Variants in KLHL6 observed in about 807,000 individuals in gnomAD.
KLHL6 encodes kelch-like protein 6.
In KLHL6, 41 loss-of-function variants were observed where a neutral mutation model predicts 58.6. The ratio of observed to expected loss-of-function variants is 0.70; its 90% CI spans 0.55 to 0.91. KLHL6 has a LOEUF of 0.91. KLHL6 is among the 40% of genes least tolerant of loss of function. The pLI, the probability that KLHL6 is intolerant of heterozygous loss-of-function variation, is 0.00. For missense variants in KLHL6, 714 were observed against 805.6 expected (o/e 0.89, Z 1.38); for synonymous variants, 338 against 322.7 (o/e 1.05, Z -0.51).
At chr3:183,495,256 G>T (rs1418136463) in intron 4 of KLHL6, among the ~76,000 whole-genome samples, 1 of 152,106 alleles carries the variant, frequency 6.6e-6, no homozygotes, top group Non-Finnish European at 1.5e-5. Flanking sequence ...CAGCTGTGGT[G>T]GTTGACTTTT....
rs925647462 is a variant in KLHL6, at chr3:183,488,390, T to C, written c.*3537A>G. ...TTAGTTCCTTGCCTAGAATACTCCC[T>C]TACCCTTATTCTCCCTCACCCTTCT... On this transcript the variant is annotated 3_prime_UTR_variant, in exon 7 of 7. Transcript: ENST00000341319. 5.9e-5 allele frequency: 9 copies of C among 152,322 alleles called. No individual in the cohort carries two copies. Among genetic ancestry groups the C allele is most frequent in the Admixed American group, 2.0e-4 (3 of 15,280 alleles). The allele number at this position is 152,322 out of a possible 1,614,324, so 9.4% of individuals were successfully genotyped here.
rs181590222 is a variant in KLHL6, at chr3:183,497,687, T to G, written c.1147+1903A>C. 9.2e-5 allele frequency among the ~76,000 whole-genome samples: 14 copies of G among 152,278 alleles called. No homozygotes were observed. The East Asian group carries it at 2.7e-3, about 29-fold the overall frequency. The stretch of plus-strand genomic sequence containing the variant: ...TTCTTGTCCCTAAATCAAGGCCATG[T>G]GTAGGAAGAGGCAGTGTCAGAAGAT... On this transcript the variant is annotated intron_variant, in intron 4 of 6. Transcript: ENST00000341319.
chr3:183,506,969 C>T (rs1718027147), intron 3 of KLHL6, among the ~76,000 whole-genome samples: 1 of 152,170 alleles, frequency 6.6e-6, no homozygotes, highest in Admixed American at 6.5e-5. Context: ...ATTTGAACAA[C>T]ATTCAGATTG....
chr3:183,554,754 C>T (rs1713048478), intron 1 of KLHL6, among the ~76,000 whole-genome samples: 1 of 152,226 alleles, frequency 6.6e-6, no homozygotes. Flanking sequence ...CCCATGACTT[C>T]AGTAATTTTC....
chr3:183,536,169 C>T (rs951481595), intron 1 of KLHL6, among the ~76,000 whole-genome samples: 3 of 152,174 alleles, frequency 2.0e-5, no homozygotes, highest in Non-Finnish European at 2.9e-5. Context: ...AAGCAGACCC[C>T]CTCTGCTAGT....
intron 1 of KLHL6, 86 bp from the exon 2 acceptor site, chr3:183,528,096 T>A: frequency 6.8e-7 from 1 of 1,469,250 alleles, no homozygotes; most frequent in East Asian, 2.3e-5. Context: ...CATCAGGCCC[T>A]CACAGAACAG....
chr3:183,536,499 G>T (rs760037633), intron 1 of KLHL6, among the ~76,000 whole-genome samples: 5 of 152,230 alleles, frequency 3.3e-5, no homozygotes, highest in Non-Finnish European at 7.3e-5. Context: ...GGCAGGCAGA[G>T]GAGGGACTGG....
chr3:183,534,431 T>G (rs1261878807), intron 1 of KLHL6, among the ~76,000 whole-genome samples: 2 of 152,100 alleles, frequency 1.3e-5, no homozygotes, highest in Non-Finnish European at 2.9e-5. Context: ...TGAGACAGAG[T>G]CTCACTCTGT....
intron 2 of KLHL6, chr3:183,520,697 G>A (rs377210507): frequency 1.1e-3 from 161 of 152,086 alleles, no homozygotes; most frequent in African/African-American, 3.5e-3. Flanking sequence ...TTATGTTTGA[G>A]TTTACACAAA....
rs761239853 is a variant in KLHL6, at chr3:183,508,253, C to G, written c.715G>C (p.Val239Leu). 24 of 1,614,074 alleles carry G rather than the reference C, an allele frequency of 1.5e-5. No individual in the cohort carries two copies. Among genetic ancestry groups the G allele is most frequent in the Admixed American group, 1.0e-4 (6 of 60,008 alleles). Reference protein sequence around the residue: ...VTEEAQVFETVMSWVRHKPSE... With the variant: ...VTEEAQVFETLMSWVRHKPSE... Reference sequence around the variant, plus strand: ...GGCTTGTGCCGGACCCAGCTCATCACGGTCTCAAACACCTGAGCCTCCTCG... The same window carrying G: ...GGCTTGTGCCGGACCCAGCTCATCAGGGTCTCAAACACCTGAGCCTCCTCG... Residue 239 changes from valine (V) to leucine (L), a missense_variant, in exon 3 of 7, where the codon GTG becomes CTG. Coordinates refer to ENST00000341319, the MANE Select transcript of KLHL6 (RefSeq NM_130446.4).
At chr3:183,551,494 C>T (rs1180742416) in intron 1 of KLHL6, among the ~76,000 whole-genome samples, 1 of 152,068 alleles carries the variant, frequency 6.6e-6, no homozygotes, top group African/African-American at 2.4e-5. Flanking sequence ...AAAAGGTTTA[C>T]AAGAAAAGAA....
rs571750921 is a variant in KLHL6, at chr3:183,549,657, T to C, written c.293+5704A>G. 3.3e-5 allele frequency among the ~76,000 whole-genome samples: 5 copies of C among 152,308 alleles called. No individual in the cohort carries two copies. The East Asian group carries it at 5.8e-4, about 18-fold the overall frequency. On this transcript the variant is annotated intron_variant, in intron 1 of 6. Coordinates refer to ENST00000341319, the MANE Select transcript of KLHL6 (RefSeq NM_130446.4). ...CCGAGTAGCTGGGACTACAGGCATG[T>C]GCCACCACGCCCAGCTAATTTTTTG...
At chr3:183,541,506 C>T (rs1351464723) in intron 1 of KLHL6, among the ~76,000 whole-genome samples, 1 of 152,168 alleles carries the variant, frequency 6.6e-6, no homozygotes, top group Non-Finnish European at 1.5e-5. Flanking sequence ...CAGAAAGGGG[C>T]CCCCATTTCT....
intron 2 of KLHL6, among the ~76,000 whole-genome samples, chr3:183,518,521 T>A (rs2108680125): frequency 6.6e-6 from 1 of 152,264 alleles, no homozygotes; most frequent in East Asian, 1.9e-4. Context: ...CAGAATCTGG[T>A]AGCGATATGG....
At chr3:183,533,564 C>A (rs1712229027) in intron 1 of KLHL6, among the ~76,000 whole-genome samples, 1 of 152,006 alleles carries the variant, frequency 6.6e-6, no homozygotes, top group African/African-American at 2.4e-5. Flanking sequence ...AGCCTCCGTG[C>A]CTGGCCACTC....
Position 183,493,930 on chromosome 3 carries a change from A to G in KLHL6, c.1350+149T>C, listed in dbSNP as rs543729147. On this transcript the variant is annotated intron_variant, in intron 5 of 6. Coordinates refer to ENST00000341319, the MANE Select transcript of KLHL6 (RefSeq NM_130446.4). ...CAATACTGAAGCAATAGCTCCTAGG[A>G]GGAGGGAAGCTCAGAGCCACCAAAA... 8 of 713,844 alleles carry G rather than the reference A, an allele frequency of 1.1e-5. No homozygotes were observed. The East Asian group carries it at 1.5e-4, about 13-fold the overall frequency. The allele number at this position is 713,844 out of a possible 1,614,324, so 44.2% of individuals were successfully genotyped here.
intron 1 of KLHL6, among the ~76,000 whole-genome samples, chr3:183,542,674 C>T (rs1712590258): frequency 6.6e-6 from 1 of 152,208 alleles, no homozygotes; most frequent in African/African-American, 2.4e-5. Flanking sequence ...ACCATAACCC[C>T]TGTGCAGAGC....
In KLHL6 at chr3:183,508,534, G is replaced by A. The variant is rs536844874; in HGVS notation, c.460-26C>T. ...CTGATGAAATAGAAAGGGTGGAAAG[G>A]AGGCCAGAAAATGGTGAGTCCACAA... On this transcript the variant is annotated intron_variant, in intron 2 of 6. Transcript: ENST00000341319. The A allele has an allele frequency of 6.3e-5, 100 of 1,597,610 alleles. No homozygotes were observed. In the East Asian group the frequency reaches 2.1e-3, roughly 33 times the overall value.
At chr3:183,527,623 T>C (rs886999746) in intron 2 of KLHL6, among the ~76,000 whole-genome samples, 1 of 152,120 alleles carries the variant, frequency 6.6e-6, no homozygotes, top group Non-Finnish European at 1.5e-5. Context: ...CAATGCCCTA[T>C]CTCACTCCCT....
Sources: gnomAD v4.1 joint callset for allele counts (sites outside exome capture counted in the v4.1 genomes callset) on GRCh38, gnomAD v4.1.1 for gene constraint, MANE v1.5 for transcripts, NCBI Gene and HGNC (gene_info 2026-07-23, HGNC 2026-07-21) for gene names.